Variants in SH3PXD2B observed in about 807,000 individuals in gnomAD.
The protein encoded by SH3PXD2B is SH3 and PX domains 2B.
A neutral mutation model predicts 73.1 loss-of-function variants in SH3PXD2B; 37 were observed. The observed-to-expected ratio is 0.51, with a 90% confidence interval of 0.39 to 0.67. The LOEUF is 0.67. Among genes scored for constraint, SH3PXD2B ranks in the 30% least tolerant of loss-of-function variants. The probability of loss-of-function intolerance (pLI) is 0.00; values close to 1 mark genes in which losing one functional copy is unlikely to be tolerated. For missense variants in SH3PXD2B, 1,053 were observed against 1,197.8 expected (o/e 0.88, Z 1.78); for synonymous variants, 457 against 480.5 (o/e 0.95, Z 0.64).
intron 2 of SH3PXD2B, among the ~76,000 whole-genome samples, chr5:172,413,105 T>A (rs1395782225): frequency 6.6e-6 from 1 of 152,214 alleles, no homozygotes; most frequent in Non-Finnish European, 1.5e-5. Context: ...GTTTACCCCC[T>A]CAATATCACA....
Position 172,336,871 on chromosome 5 carries a change from C to T in SH3PXD2B, c.*1498G>A, listed in dbSNP as rs1441879137. On this transcript the variant is annotated 3_prime_UTR_variant, in exon 13 of 13. Coordinates refer to ENST00000311601, the MANE Select transcript of SH3PXD2B (RefSeq NM_001017995.3). Reference sequence around the variant, plus strand: ...CAGTTTGACAGATGACCACATCTGCCCTGGGTTTCTTCAAGGGAGAAAACA... The same window carrying T: ...CAGTTTGACAGATGACCACATCTGCTCTGGGTTTCTTCAAGGGAGAAAACA... 32 of 985,264 alleles carry T rather than the reference C, an allele frequency of 3.2e-5. No individual in the cohort carries two copies. Among genetic ancestry groups the T allele is most frequent in the Non-Finnish European group, 3.7e-5 (31 of 829,960 alleles). The allele number at this position is 985,264 out of a possible 1,614,324, so 61.0% of individuals were successfully genotyped here. A position where few individuals can be genotyped will look rare whatever the true frequency, so the allele number is the denominator to read the frequency against.
intron 12 of SH3PXD2B, among the ~76,000 whole-genome samples, chr5:172,344,370 C>CT (rs1756931320): frequency 6.6e-6 from 1 of 151,928 alleles, no homozygotes; most frequent in South Asian, 2.1e-4. Context: ...GGCAGATCAC[C>CT]TGAGGTCAGG....
At position 172,353,291 on chromosome 5, in the gene SH3PXD2B, T is replaced by A. The variant is rs1192485555; in HGVS notation, c.785+597A>T. The stretch of plus-strand genomic sequence containing the variant: ...CTTGCCCTAATTTCCCATGGTCACA[T>A]CCTGCCTATTGGGGGTGATCAAGGA... On this transcript the variant is annotated intron_variant, in intron 9 of 12. Transcript: ENST00000311601. The surrounding 1 kb of genome is among the most constrained non-coding windows in gnomAD (Gnocchi z 4.3). Among the ~76,000 whole-genome samples, 2 of 152,174 alleles carry A rather than the reference T, an allele frequency of 1.3e-5. No homozygotes were observed. The highest frequency in any genetic ancestry group is 2.9e-5 in the Non-Finnish European group (2 of 68,044).
At chr5:172,366,141 T>G (rs978620659) in intron 6 of SH3PXD2B, among the ~76,000 whole-genome samples, 3 of 152,104 alleles carry the variant, frequency 2.0e-5, no homozygotes, top group Non-Finnish European at 4.4e-5. Context: ...TGGTGTGGGG[T>G]CAGGGAGTGG....
At chr5:172,385,327 A>G (rs1758036435) in intron 4 of SH3PXD2B, among the ~76,000 whole-genome samples, 1 of 151,972 alleles carries the variant, frequency 6.6e-6, no homozygotes, top group African/African-American at 2.4e-5. Context: ...TAGCACTGGG[A>G]GGCTCCTGAA....
At chr5:172,434,383 TC>T (rs1759319763) in intron 1 of SH3PXD2B, among the ~76,000 whole-genome samples, 1 of 152,130 alleles carries the variant, frequency 6.6e-6, no homozygotes, top group African/African-American at 2.4e-5. Flanking sequence ...TTAGCTGACA[TC>T]CTCATCCTTG....
rs886060422 is a variant in SH3PXD2B at position 172,339,633 on chromosome 5, C to A, written c.1472G>T (p.Ser491Ile). 1 of 1,614,128 alleles carries A rather than the reference C, an allele frequency of 6.2e-7. No individual in the cohort carries two copies. The highest frequency in any genetic ancestry group is 1.3e-5 in the African/African-American group (1 of 74,956). ...GLPWSKDWKGSKDVLRKASSD... is the reference protein window; with the variant it reads ...GLPWSKDWKGIKDVLRKASSD... ...AGATGCCTTCCTCAGGACATCCTTA[C>A]TGCCCTTCCAGTCTTTAGACCATGG... The change falls in exon 13 of 13, where the codon AGT (serine) becomes ATT (isoleucine). Residue 491 changes from serine (S) to isoleucine (I), a missense_variant. By Grantham distance (142) the Ser-to-Ile change is moderately radical. Transcript: ENST00000311601. This position sits in a 1 kb window ranked among gnomAD's most constrained non-coding sequence, Gnocchi z 6.1.
At chr5:172,437,938 CT>C (rs1759432576) in intron 1 of SH3PXD2B, among the ~76,000 whole-genome samples, 2 of 152,310 alleles carry the variant, frequency 1.3e-5, no homozygotes, top group African/African-American at 4.8e-5. Flanking sequence ...CTCTCTCCCC[CT>C]GCCTCAAACT....
Position 172,333,547 on chromosome 5 carries a change from A to T in SH3PXD2B, c.*4822T>A. ...TCAAGCACTTTTTTTATTTAAAAAA[A>T]AAAAAAGGAAAGAAGTCAAATGGTA... On this transcript the variant is annotated 3_prime_UTR_variant, in exon 13 of 13. Transcript: ENST00000311601. The T allele has an allele frequency of 8.5e-7, 1 of 1,170,480 alleles. No individual in the cohort carries two copies. 72.5% of individuals were successfully genotyped at this position (1,170,480 alleles called of 1,614,324 possible).
Position 172,338,318 on chromosome 5 carries a change from T to C in SH3PXD2B, c.*51A>G, listed in dbSNP as rs781286622. 6 of 1,612,886 alleles carry C rather than the reference T, an allele frequency of 3.7e-6. No homozygotes were observed. The highest frequency in any genetic ancestry group is 4.2e-6 in the Non-Finnish European group (5 of 1,179,998). Reference sequence around the variant, plus strand: ...TAAATTAAGAGGCGTATTAAATACGTGGGTAAAGCCAGCAAGGACCAGCGG... The same window carrying C: ...TAAATTAAGAGGCGTATTAAATACGCGGGTAAAGCCAGCAAGGACCAGCGG... On this transcript the variant is annotated 3_prime_UTR_variant, in exon 13 of 13. Coordinates refer to ENST00000311601, the MANE Select transcript of SH3PXD2B (RefSeq NM_001017995.3). The surrounding 1 kb of genome is among the most constrained non-coding windows in gnomAD (Gnocchi z 5.1).
intron 2 of SH3PXD2B, among the ~76,000 whole-genome samples, chr5:172,408,934 C>T (rs576854382): frequency 7.2e-5 from 11 of 152,226 alleles, no homozygotes; most frequent in African/African-American, 2.4e-4. Flanking sequence ...TGTTGATTCA[C>T]ATAATATGTA....
intron 5 of SH3PXD2B, among the ~76,000 whole-genome samples, chr5:172,378,777 G>A (rs895779042): frequency 2.6e-5 from 4 of 152,202 alleles, no homozygotes; most frequent in African/African-American, 9.6e-5. Flanking sequence ...CAGCTTGAAA[G>A]TGGCTCCTAT....
chr5:172,429,345 G>A (rs964834468), intron 1 of SH3PXD2B, among the ~76,000 whole-genome samples: 1 of 152,140 alleles, frequency 6.6e-6, no homozygotes, highest in Non-Finnish European at 1.5e-5. Flanking sequence ...CATGTTTTGG[G>A]GGAGCAGCTG....
intron 6 of SH3PXD2B, among the ~76,000 whole-genome samples, chr5:172,365,958 CT>C (rs895541962): frequency 3.9e-5 from 6 of 152,170 alleles, no homozygotes; most frequent in Non-Finnish European, 8.8e-5. Context: ...TGTCTGGGCC[CT>C]CAGGTGAGCT....
At chr5:172,448,201 C>T (rs761196623) in intron 1 of SH3PXD2B, among the ~76,000 whole-genome samples, 14 of 152,232 alleles carry the variant, frequency 9.2e-5, no homozygotes, top group Non-Finnish European at 1.8e-4. Context: ...CAGCCTGGGG[C>T]AGGTATCCCC....
Position 172,454,521 on chromosome 5 carries a change from A to C in SH3PXD2B, c.-169T>G, listed in dbSNP as rs1759892212. ...CGCCGCCGCCCTTCGCTCGGCGCGC[A>C]CTCCAGCCGGGCCCAGCCGCCGCCG... On this transcript the variant is annotated 5_prime_UTR_variant, in exon 1 of 13. Coordinates refer to ENST00000311601, the MANE Select transcript of SH3PXD2B (RefSeq NM_001017995.3). The C allele has an allele frequency of 6.5e-6, 1 of 154,304 alleles. No individual in the cohort carries two copies. Among genetic ancestry groups the C allele is most frequent in the African/African-American group, 2.6e-5 (1 of 37,872 alleles). 9.6% of individuals were successfully genotyped at this position (154,304 alleles called of 1,614,324 possible).
In SH3PXD2B at chr5:172,350,353, T is replaced by C. The variant is rs1757130939; in HGVS notation, c.1012+10A>G. On this transcript the variant is annotated intron_variant, in intron 10 of 12. Transcript: ENST00000311601. ...CCTGATTATCAGGAGCTTGGGCGGG[T>C]GTCACTCACTCTGCTTGGCGTCACC... 6.2e-7 allele frequency: 1 copy of C among 1,612,750 alleles called. No homozygotes were observed. Among genetic ancestry groups the C allele is most frequent in the Non-Finnish European group, 8.5e-7 (1 of 1,179,604 alleles).
chr5:172,373,239 C>T (rs1041526260), intron 6 of SH3PXD2B, among the ~76,000 whole-genome samples: 1 of 152,228 alleles, frequency 6.6e-6, no homozygotes, highest in African/African-American at 2.4e-5. Context: ...TCCTGCTTCC[C>T]AGCCTGTGCC....
chr5:172,429,039 C>T (rs1028003043), intron 1 of SH3PXD2B, among the ~76,000 whole-genome samples: 1 of 152,198 alleles, frequency 6.6e-6, no homozygotes, highest in African/African-American at 2.4e-5. Flanking sequence ...GTCTGATTTC[C>T]TGCTGGGTTC....
Sources: allele counts gnomAD v4.1 joint callset (sites outside exome capture counted in the v4.1 genomes callset), GRCh38; gene constraint gnomAD v4.1.1; non-coding constraint Gnocchi (gnomAD v3.1); transcripts MANE v1.5; gene names NCBI Gene and HGNC (gene_info 2026-07-23, HGNC 2026-07-21).